The following PGAP3 variants were observed in gnomAD, a reference collection of about 807,000 sequenced individuals.
PGAP3 encodes the protein post-GPI attachment to proteins phospholipase 3.
Under a neutral mutation model 40.3 loss-of-function variants are expected in PGAP3, and 31 were observed. The ratio of observed to expected loss-of-function variants is 0.77; its 90% confidence interval spans 0.58 to 1.04. PGAP3 has a LOEUF of 1.04. Among genes scored for constraint, PGAP3 ranks in the 50% least tolerant of loss-of-function variants. The probability of loss-of-function intolerance (pLI) is 0.00; values close to 1 mark genes in which losing one functional copy is unlikely to be tolerated. For missense variants in PGAP3, 413 were observed against 423.0 expected (o/e 0.98, Z 0.21); for synonymous variants, 191 against 184.5 (o/e 1.04, Z -0.29).
intron 3 of PGAP3, chr17:39,676,590 C>T (rs1428800952): frequency 6.6e-6 from 1 of 152,178 alleles, no homozygotes; most frequent in African/African-American, 2.4e-5. Context: ...GAGCATCCCA[C>T]TCTGGGGGTG....
rs369379306 is a variant in PGAP3 at position 39,674,607 on chromosome 17, G to C, written c.495+10C>G. On this transcript the variant is annotated intron_variant, in intron 4 of 7. Transcript: ENST00000300658. Reference sequence around the variant, plus strand: ...CCCTGTGCAGGAGGGGGAGCTGGAGGAATGCTCACCTCTGTGAGGTCAGTG... The same window carrying C: ...CCCTGTGCAGGAGGGGGAGCTGGAGCAATGCTCACCTCTGTGAGGTCAGTG... The C allele has an allele frequency of 1.9e-6, 3 of 1,549,726 alleles. No individual in the cohort carries two copies. Among genetic ancestry groups the C allele is most frequent in the Non-Finnish European group, 2.6e-6 (3 of 1,145,440 alleles).
intron 3 of PGAP3, among the ~76,000 whole-genome samples, chr17:39,679,631 C>T: frequency 6.6e-6 from 1 of 152,194 alleles, no homozygotes. Context: ...GCTTTCTTAG[C>T]CAGGACTAAA....
At chr17:39,682,098 C>T (rs969946595) in intron 3 of PGAP3, among the ~76,000 whole-genome samples, 6 of 150,734 alleles carry the variant, frequency 4.0e-5, no homozygotes, top group Admixed American at 6.6e-5. Context: ...TGGTGGTGGG[C>T]GCCTGTAGTC....
At chr17:39,680,133 C>T (rs2057421721) in intron 3 of PGAP3, among the ~76,000 whole-genome samples, 1 of 152,152 alleles carries the variant, frequency 6.6e-6, no homozygotes, top group Non-Finnish European at 1.5e-5. Context: ...CTGTCTCCAC[C>T]CCCAGCAAAT....
chr17:39,678,448 G>A (rs527632207), intron 3 of PGAP3, among the ~76,000 whole-genome samples: 1 of 152,132 alleles, frequency 6.6e-6, no homozygotes, highest in Non-Finnish European at 1.5e-5. Flanking sequence ...GCTTTGGTAG[G>A]CTCCCCACCC....
At chr17:39,679,288 A>G (rs2057411409) in intron 3 of PGAP3, among the ~76,000 whole-genome samples, 1 of 152,130 alleles carries the variant, frequency 6.6e-6, no homozygotes, top group Non-Finnish European at 1.5e-5. Context: ...ACTGGACTGC[A>G]GGCTACCCTG....
At position 39,684,717 on chromosome 17, in the gene PGAP3, C is replaced by T; in HGVS notation, c.312G>A (p.Glu104=). ...WPFSRFLFFQ[E]PASAVASFLN... The stretch of plus-strand genomic sequence containing the variant: ...GAAACGAGGCCACGGCCGATGCCGG[C>T]TCTTGAAAGAACAGGAACCGGGAGA... The change falls in exon 3 of 8, where the codon GAG becomes GAA. Residue 104 remains glutamate (E), a synonymous_variant. Coordinates refer to ENST00000300658, the MANE Select transcript of PGAP3 (RefSeq NM_033419.5). 1 of 1,612,118 alleles carries T rather than the reference C, an allele frequency of 6.2e-7. No homozygotes were observed. The highest frequency in any genetic ancestry group is 1.7e-5 in the Admixed American group (1 of 59,636).
chr17:39,680,065 C>T (rs990118034), intron 3 of PGAP3, among the ~76,000 whole-genome samples: 8 of 152,194 alleles, frequency 5.3e-5, no homozygotes, highest in African/African-American at 1.9e-4. Flanking sequence ...CAGAACTGCA[C>T]CTCCCACTAT....
In PGAP3 at chr17:39,672,721, AT is replaced by A. The variant is rs2057322315; in HGVS notation, c.*81del. On this transcript the variant is annotated 3_prime_UTR_variant, in exon 8 of 8. Coordinates refer to ENST00000300658, the MANE Select transcript of PGAP3 (RefSeq NM_033419.5). ...AAGTTCAAGAAGTTGAAAAGAGAAAATCATCTCAAGGGTTGAGGGGAGAAGG... is the reference window on the plus strand; with the variant it reads ...AAGTTCAAGAAGTTGAAAAGAGAAAACATCTCAAGGGTTGAGGGGAGAAGG... 1 of 1,375,242 alleles carries A rather than the reference AT, an allele frequency of 7.3e-7. No individual in the cohort carries two copies. Among genetic ancestry groups the A allele is most frequent in the African/African-American group, 1.4e-5 (1 of 70,354 alleles). The allele number at this position is 1,375,242 out of a possible 1,614,324, so 85.2% of individuals were successfully genotyped here. A position where few individuals can be genotyped will look rare whatever the true frequency, so the allele number is the denominator to read the frequency against.
intron 3 of PGAP3, among the ~76,000 whole-genome samples, chr17:39,675,503 G>T (rs1004754484): frequency 1.3e-5 from 2 of 152,222 alleles, no homozygotes; most frequent in African/African-American, 4.8e-5. Flanking sequence ...CTGGGAAATC[G>T]TGACAACCAA....
Position 39,673,225 on chromosome 17 carries a change from C to G in PGAP3, c.725G>C (p.Trp242Ser). ...CAGCCGCCGCTGGTTCCACAGGCAC[C>G]AGGCCAGCCACCACACCACGTTGAC... ...GLVNVVWWLA[W>S]CLWNQRRLPH... The change falls in exon 7 of 8, where the codon TGG becomes TCG. Residue 242 changes from tryptophan to serine, a missense_variant. Physicochemically the swap from Trp to Ser is radical, Grantham distance 177. Coordinates refer to ENST00000300658, the MANE Select transcript of PGAP3 (RefSeq NM_033419.5). The G allele has an allele frequency of 6.4e-7, 1 of 1,564,124 alleles. No individual in the cohort carries two copies. The highest frequency in any genetic ancestry group is 8.7e-7 in the Non-Finnish European group (1 of 1,154,492).
Position 39,681,942 on chromosome 17 carries a change from C to T in PGAP3, c.432+2655G>A, listed in dbSNP as rs146597972. Reference sequence around the variant, plus strand: ...TTATAAAAAAAAACCTGATGTGGGCCGGGCGCAGTGGCTCATGCCTGTAAT... The same window carrying T: ...TTATAAAAAAAAACCTGATGTGGGCTGGGCGCAGTGGCTCATGCCTGTAAT... On this transcript the variant is annotated intron_variant, in intron 3 of 7. Coordinates refer to ENST00000300658, the MANE Select transcript of PGAP3 (RefSeq NM_033419.5). Among the ~76,000 whole-genome samples the T allele has an allele frequency of 1.1e-4, 16 of 151,432 alleles. No individual in the cohort carries two copies. The East Asian group carries it at 2.4e-3, about 22-fold the overall frequency.
In PGAP3 at chr17:39,671,280, A is replaced by G. The variant is rs2057302178; in HGVS notation, c.*1523T>C. The G allele has an allele frequency of 1.3e-5, 2 of 152,372 alleles. No homozygotes were observed. Among genetic ancestry groups the G allele is most frequent in the African/African-American group, 4.8e-5 (2 of 41,454 alleles). 9.4% of individuals were successfully genotyped at this position (152,372 alleles called of 1,614,324 possible). A position where few individuals can be genotyped will look rare whatever the true frequency, so the allele number is the denominator to read the frequency against. On this transcript the variant is annotated 3_prime_UTR_variant, in exon 8 of 8. Coordinates refer to ENST00000300658, the MANE Select transcript of PGAP3 (RefSeq NM_033419.5). Reference sequence around the variant, plus strand: ...AAGAGGGACAAGGGGTCAGGGGCAGAGCAAAAATCCAGTCTGCTTCAACCA... The same window carrying G: ...AAGAGGGACAAGGGGTCAGGGGCAGGGCAAAAATCCAGTCTGCTTCAACCA...
chr17:39,677,552 T>C (rs9675194), intron 3 of PGAP3, among the ~76,000 whole-genome samples: 88,653 of 151,650 alleles, frequency 0.58, 26,854 homozygotes, highest in South Asian at 0.7. Flanking sequence ...GGAAGGAGAG[T>C]TCCAAGATGC....
intron 3 of PGAP3, among the ~76,000 whole-genome samples, chr17:39,682,286 T>C (rs1003607709): frequency 6.7e-6 from 1 of 150,168 alleles, no homozygotes; most frequent in African/African-American, 2.5e-5. Flanking sequence ...ATCAGGTTTC[T>C]TTCTATTGTT....
In PGAP3 at chr17:39,673,159, T is replaced by C. The variant is rs1172234971; in HGVS notation, c.791A>G (p.Gln264Arg). 1 of 1,594,948 alleles carries C rather than the reference T, an allele frequency of 6.3e-7. No homozygotes were observed. Among genetic ancestry groups the C allele is most frequent in the East Asian group, 2.3e-5 (1 of 44,140 alleles). Reference protein sequence around the residue: ...RKCVVVVLLLQGLSLLELLDF... With the variant: ...RKCVVVVLLLRGLSLLELLDF... The stretch of plus-strand genomic sequence containing the variant: ...AAGCAGCTCGAGCAGGGACAGCCCC[T>C]GCAGCAGCAAGACCACCACCACGCA... The change falls in exon 7 of 8, where the codon CAG becomes CGG. Residue 264 changes from glutamine (Q) to arginine (R), a missense_variant. Physicochemically the swap from Gln to Arg is conservative, Grantham distance 43. Coordinates refer to ENST00000300658, the MANE Select transcript of PGAP3 (RefSeq NM_033419.5).
At chr17:39,675,247 G>A (rs957204543) in intron 3 of PGAP3, among the ~76,000 whole-genome samples, 6 of 152,084 alleles carry the variant, frequency 3.9e-5, no homozygotes, top group Admixed American at 3.3e-4. Flanking sequence ...CAACCCGCCA[G>A]ACCAGTGGCT....
rs1295282859 is a variant in PGAP3 at position 39,685,983 on chromosome 17, A to G, written c.218T>C (p.Met73Thr). The change falls in exon 2 of 8, where the codon ATG (methionine) becomes ACG (threonine). Residue 73 changes from methionine to threonine, a missense_variant. By Grantham distance (81) the Met-to-Thr change is moderately conservative. Coordinates refer to ENST00000300658, the MANE Select transcript of PGAP3 (RefSeq NM_033419.5). ...TCRDDCKYEC[M>T]WVTVGLYLQE... ...GAGGTAGAGCCCAACGGTGACCCACATACACTCATACTTACAGTCGTCCCG... is the reference window on the plus strand; with the variant it reads ...GAGGTAGAGCCCAACGGTGACCCACGTACACTCATACTTACAGTCGTCCCG... 25 of 1,613,460 alleles carry G rather than the reference A, an allele frequency of 1.5e-5. No homozygotes were observed. Among genetic ancestry groups the G allele is most frequent in the East Asian group, 2.2e-5 (1 of 44,854 alleles).
chr17:39,687,834 C>T lies in PGAP3; in HGVS notation c.181G>A (p.Gly61Ser), dbSNP rs746488673. The part of the protein sequence containing the change: ...SRQPIYMSLA[G>S]WTCRDDCKYE... ...GGCTTACCGTGGGGGTGGGGCTTACCTGCTAGACTCATGTAGATTGGCTGG... is the reference window on the plus strand; with the variant it reads ...GGCTTACCGTGGGGGTGGGGCTTACTTGCTAGACTCATGTAGATTGGCTGG... Residue 61 changes from glycine to serine, a missense_variant and splice_region_variant, in exon 1 of 8, where the codon GGC becomes AGC. Gly to Ser is a moderately conservative substitution (Grantham distance 56). Coordinates refer to ENST00000300658, the MANE Select transcript of PGAP3 (RefSeq NM_033419.5). 5 of 1,469,026 alleles carry T rather than the reference C, an allele frequency of 3.4e-6. No individual in the cohort carries two copies. Among genetic ancestry groups the T allele is most frequent in the Non-Finnish European group, 3.7e-6 (4 of 1,094,008 alleles). The allele number at this position is 1,469,026 out of a possible 1,614,324, so 91.0% of individuals were successfully genotyped here.
Sources: allele counts gnomAD v4.1 joint callset (sites outside exome capture counted in the v4.1 genomes callset), GRCh38; gene constraint gnomAD v4.1.1; transcripts MANE v1.5; gene names NCBI Gene and HGNC (gene_info 2026-07-23, HGNC 2026-07-21).